ANK3: variants seen among roughly 807,000 people sequenced by gnomAD.
ANK3 encodes the protein ankyrin-3.
ANK3 carries 57 observed loss-of-function variants against 370.9 expected under a neutral mutation model. That is an observed-to-expected ratio of 0.15 (90% CI 0.12 to 0.19). The LOEUF (loss-of-function observed/expected upper bound fraction) is 0.19. Among genes scored for constraint, ANK3 ranks in the 10% least tolerant of loss-of-function variants. The probability of loss-of-function intolerance (pLI) is 1.00; values close to 1 mark genes in which losing one functional copy is unlikely to be tolerated. For synonymous variants in ANK3, 1,929 were observed against 1,946.3 expected, an observed-to-expected ratio of 0.99 and a Z score of 0.23; for missense variants, 4,439 against 5,302.1, an observed-to-expected ratio of 0.84 and a Z score of 5.06.
chr10:60,077,097 C>T (rs1019281448), intron 36 of ANK3, among the ~76,000 whole-genome samples: 4 of 152,288 alleles, frequency 2.6e-5, no homozygotes, highest in African/African-American at 9.6e-5. Flanking sequence ...TGTGAAGCCA[C>T]TGGATTTTAA....
chr10:60,607,013 G>T (rs2078137588), intron 2 of ANK3, among the ~76,000 whole-genome samples: 1 of 152,164 alleles, frequency 6.6e-6, no homozygotes, highest in African/African-American at 2.4e-5. Flanking sequence ...TCAAGGAAAT[G>T]AGAGGGCTTA....
intron 2 of ANK3, among the ~76,000 whole-genome samples, chr10:60,496,059 T>C (rs2075648638): frequency 2.0e-5 from 3 of 152,036 alleles, no homozygotes; most frequent in African/African-American, 7.2e-5. Context: ...AGGGTCAACA[T>C]AGTGTCTGGT....
At chr10:60,457,329 C>G (rs2064773131) in intron 2 of ANK3, among the ~76,000 whole-genome samples, 1 of 152,102 alleles carries the variant, frequency 6.6e-6, no homozygotes, top group Non-Finnish European at 1.5e-5. Flanking sequence ...AAAAGTTGCC[C>G]TCATAATGGA....
chr10:60,344,136 C>T (rs560662163), intron 1 of ANK3, among the ~76,000 whole-genome samples: 1 of 152,350 alleles, frequency 6.6e-6, no homozygotes, highest in South Asian at 2.1e-4. Context: ...AAATCACTTG[C>T]TTCCAACATC....
chr10:60,158,756 A>G (rs1203487411), intron 23 of ANK3, among the ~76,000 whole-genome samples: 2 of 138,392 alleles, frequency 1.4e-5, no homozygotes, highest in African/African-American at 5.5e-5. Context: ...GCTCACTGCA[A>G]TCTCCGCCTT....
intron 1 of ANK3, among the ~76,000 whole-genome samples, chr10:60,282,010 G>C (rs1208121691): frequency 6.6e-6 from 1 of 152,196 alleles, no homozygotes; most frequent in East Asian, 1.9e-4. Flanking sequence ...TTAGAGGTTA[G>C]TTTTTTGTTT....
At chr10:60,132,970 T>C (rs936902441) in intron 25 of ANK3, among the ~76,000 whole-genome samples, 3 of 152,110 alleles carry the variant, frequency 2.0e-5, no homozygotes, top group Non-Finnish European at 4.4e-5. Context: ...ATAACCACTG[T>C]ATTCACCTCT....
In ANK3 at chr10:60,042,722, A is replaced by G. The variant is rs1468049332; in HGVS notation, c.13103T>C (p.Ile4368Thr). Residue 4368 changes from isoleucine to threonine, a missense_variant, in exon 43 of 44, where the codon ATC becomes ACC. This residue lies in a region of ANK3 where 242 missense variants were observed against 228.0 expected (regional missense o/e 1.06). Transcript: ENST00000280772. Reference sequence around the variant, plus strand: ...GTGGCTCTTCTTTTCCACATGCCGGATTTCTTTCTTCGTTTTCACCTTAAA... The same window carrying G: ...GTGGCTCTTCTTTTCCACATGCCGGGTTTCTTTCTTCGTTTTCACCTTAAA... The part of the protein sequence containing the change: ...EGFKVKTKKE[I>T]RHVEKKSHS 1 of 1,613,746 alleles carries G rather than the reference A, an allele frequency of 6.2e-7. No homozygotes were observed. Among genetic ancestry groups the G allele is most frequent in the Non-Finnish European group, 8.5e-7 (1 of 1,179,962 alleles).
rs765277212 is a variant in ANK3, at chr10:60,084,768, C to T, written c.3908G>A (p.Arg1303Lys). Residue 1303 changes from arginine to lysine, a missense_variant, in exon 32 of 44, where the codon AGA (arginine) becomes AAA (lysine). Around this residue, in one of 13 missense-constraint regions of ANK3, gnomAD observed 702 missense variants for 941.5 expected, o/e 0.75. Transcript: ENST00000280772. ...ETVGLATQLY[R>K]ELICVPYMAK... ...CATATATGGAACACATATCAATTCT[C>T]TGTACAGTTGCGTGGCTAACCCCAC... The T allele has an allele frequency of 1.2e-6, 2 of 1,609,672 alleles. No individual in the cohort carries two copies. Among genetic ancestry groups the T allele is most frequent in the South Asian group, 2.2e-5 (2 of 89,980 alleles).
chr10:60,569,441 C>T (rs767169576), intron 2 of ANK3, among the ~76,000 whole-genome samples: 4 of 152,098 alleles, frequency 2.6e-5, no homozygotes, highest in Admixed American at 6.6e-5. Flanking sequence ...TACAAGAGCA[C>T]CCAGGTCTCT....
intron 23 of ANK3, among the ~76,000 whole-genome samples, chr10:60,151,895 T>C (rs1162258553): frequency 6.6e-6 from 1 of 152,168 alleles, no homozygotes; most frequent in Non-Finnish European, 1.5e-5. Context: ...ATTTTCCACA[T>C]CTATGAAATG....
chr10:60,347,280 A>G (rs1225138140), intron 1 of ANK3, among the ~76,000 whole-genome samples: 1 of 151,932 alleles, frequency 6.6e-6, no homozygotes, highest in South Asian at 2.1e-4. Flanking sequence ...GTTTATGTAG[A>G]TTTTTAAGGG....
At chr10:60,116,105 T>C (rs1014910270) in intron 25 of ANK3, among the ~76,000 whole-genome samples, 43 of 152,236 alleles carry the variant, frequency 2.8e-4, no homozygotes, top group African/African-American at 1.0e-3. Context: ...TGTCAAATAA[T>C]GATCCCCTGC....
intron 2 of ANK3, among the ~76,000 whole-genome samples, chr10:60,488,249 T>A (rs1040705350): frequency 5.9e-5 from 9 of 152,218 alleles, no homozygotes; most frequent in Middle Eastern, 3.4e-3. Context: ...TTGAGAAAAA[T>A]CCCTTAGGCC....
intron 1 of ANK3, among the ~76,000 whole-genome samples, chr10:60,679,937 A>T (rs528105704): frequency 1.4e-4 from 22 of 152,100 alleles, no homozygotes; most frequent in African/African-American, 4.6e-4. Flanking sequence ...GGAGTTCAAG[A>T]CCAGCCTGGT....
At chr10:60,136,819 A>T (rs2094364698) in intron 24 of ANK3, among the ~76,000 whole-genome samples, 1 of 152,226 alleles carries the variant, frequency 6.6e-6, no homozygotes, top group Admixed American at 6.5e-5. Flanking sequence ...TAATACTTCG[A>T]AGTACTTTCA....
intron 1 of ANK3, among the ~76,000 whole-genome samples, chr10:60,283,863 AATTAT>A (rs961655662): frequency 2.6e-5 from 4 of 152,132 alleles, no homozygotes; most frequent in African/African-American, 9.7e-5. Context: ...ATATTAACTT[AATTAT>A]ATTATTCATC....
chr10:60,110,388 C>G (rs1279928233), intron 26 of ANK3, among the ~76,000 whole-genome samples: 1 of 152,118 alleles, frequency 6.6e-6, no homozygotes, highest in African/African-American at 2.4e-5. Flanking sequence ...TCTTCATACC[C>G]TTTTGCTCAT....
chr10:60,195,184 G>C (rs1032398992), intron 16 of ANK3, among the ~76,000 whole-genome samples: 5 of 122,546 alleles, frequency 4.1e-5, no homozygotes, highest in African/African-American at 1.4e-4. Context: ...TCAGGAGATC[G>C]AGACCATCCT....
Sources: allele counts gnomAD v4.1 joint callset (sites outside exome capture counted in the v4.1 genomes callset), GRCh38; gene constraint gnomAD v4.1.1; regional missense constraint gnomAD v4.1.1; transcripts MANE v1.5; gene names NCBI Gene and HGNC (gene_info 2026-07-23, HGNC 2026-07-21).